The following MAML2 variants were observed in gnomAD, a reference collection of about 807,000 sequenced individuals.
MAML2 encodes mastermind like transcriptional coactivator 2.
A neutral mutation model predicts 96.1 loss-of-function variants in MAML2; 22 were observed. The ratio of observed to expected loss-of-function variants is 0.23; its 90% confidence interval spans 0.16 to 0.33. The LOEUF is 0.33. Among genes scored for constraint, MAML2 ranks in the 10% least tolerant of loss-of-function variants. The probability of loss-of-function intolerance (pLI) is 1.00; values close to 1 mark genes in which losing one functional copy is unlikely to be tolerated. For missense variants in MAML2, 1,367 were observed against 1,392.4 expected (o/e 0.98, Z 0.29); for synonymous variants, 561 against 521.3 (o/e 1.08, Z -1.04).
intron 1 of MAML2, among the ~76,000 whole-genome samples, chr11:96,285,920 T>C (rs1035904252): frequency 2.0e-5 from 3 of 152,192 alleles, no homozygotes; most frequent in Admixed American, 2.0e-4. Flanking sequence ...GTGTGGCAAT[T>C]CTTCAAAGTT....
intron 1 of MAML2, among the ~76,000 whole-genome samples, chr11:96,219,962 T>C (rs1862109556): frequency 6.6e-6 from 1 of 152,196 alleles, no homozygotes; most frequent in Non-Finnish European, 1.5e-5. Flanking sequence ...AAAATGAGAC[T>C]ATTTCATCAT....
chr11:96,228,973 A>AAC (rs66571893), intron 1 of MAML2, among the ~76,000 whole-genome samples: 10,066 of 66,154 alleles, frequency 0.15, 439 homozygotes, highest in Non-Finnish European at 0.17. Flanking sequence ...CTAGTTGAAC[A>AAC]AAAAAAAAAT....
intron 1 of MAML2, among the ~76,000 whole-genome samples, chr11:96,266,570 CAAAA>C (rs560997492): frequency 8.3e-6 from 1 of 120,200 alleles, no homozygotes; most frequent in Non-Finnish European, 1.8e-5. Context: ...GACTCCGTCT[CAAAA>C]AAAAAAAAAG....
intron 1 of MAML2, among the ~76,000 whole-genome samples, chr11:96,210,055 C>A (rs16923294): frequency 0.028 from 4,311 of 152,198 alleles, 203 homozygotes; most frequent in African/African-American, 0.098. Context: ...TTTTGCTTTT[C>A]TTTTGTTCTC....
chr11:96,015,825 C>T (rs536198548), intron 2 of MAML2, among the ~76,000 whole-genome samples: 11 of 152,218 alleles, frequency 7.2e-5, no homozygotes, highest in Non-Finnish European at 1.5e-4. Context: ...GATATTGAAT[C>T]ATGAATGTAG....
intron 1 of MAML2, among the ~76,000 whole-genome samples, chr11:96,261,256 G>A (rs539846035): frequency 1.1e-4 from 17 of 151,974 alleles, no homozygotes; most frequent in African/African-American, 2.9e-4. Context: ...AGCCCCCTCC[G>A]CCACGTGATG....
chr11:96,171,067 G>A (rs1172042805), intron 1 of MAML2, among the ~76,000 whole-genome samples: 3 of 151,784 alleles, frequency 2.0e-5, no homozygotes, highest in African/African-American at 7.3e-5. Flanking sequence ...GACTAGTTGA[G>A]CCCTGGGTTC....
At chr11:96,029,167 T>C (rs1372512313) in intron 2 of MAML2, among the ~76,000 whole-genome samples, 2 of 138,872 alleles carry the variant, frequency 1.4e-5, no homozygotes, top group African/African-American at 6.2e-5. Context: ...TGAAACGGTT[T>C]TTTTTTTTTT....
chr11:96,082,184 C>A (rs1859538107), intron 2 of MAML2, among the ~76,000 whole-genome samples: 1 of 151,994 alleles, frequency 6.6e-6, no homozygotes, highest in Non-Finnish European at 1.5e-5. Flanking sequence ...AACTACAATT[C>A]AAGGTAGAAA....
chr11:96,076,101 G>A (rs1375686204), intron 2 of MAML2, among the ~76,000 whole-genome samples: 2 of 152,212 alleles, frequency 1.3e-5, no homozygotes, highest in African/African-American at 4.8e-5. Flanking sequence ...TATTACAACA[G>A]AAAGTTATTC....
At chr11:96,078,350 T>C (rs905789081) in intron 2 of MAML2, among the ~76,000 whole-genome samples, 1 of 152,238 alleles carries the variant, frequency 6.6e-6, no homozygotes, top group Admixed American at 6.5e-5. Context: ...GATAGTTCAA[T>C]CATAGATAGT....
intron 1 of MAML2, among the ~76,000 whole-genome samples, chr11:96,327,894 G>A (rs1045083202): frequency 1.3e-5 from 2 of 151,608 alleles, no homozygotes; most frequent in Admixed American, 6.6e-5. Context: ...TCAGGAGTTC[G>A]AGACCAGCCT....
intron 1 of MAML2, among the ~76,000 whole-genome samples, chr11:96,166,636 C>T (rs1240043401): frequency 1.3e-5 from 2 of 152,210 alleles, no homozygotes; most frequent in Non-Finnish European, 2.9e-5. Flanking sequence ...GGTTCGCTGG[C>T]ATTCACCCAG....
At chr11:96,304,671 T>C (rs2080521144) in intron 1 of MAML2, among the ~76,000 whole-genome samples, 1 of 152,152 alleles carries the variant, frequency 6.6e-6, no homozygotes, top group African/African-American at 2.4e-5. Flanking sequence ...GGTAACTTTT[T>C]GTACATCTGC....
At chr11:96,051,765 G>C (rs1858993905) in intron 2 of MAML2, among the ~76,000 whole-genome samples, 1 of 152,180 alleles carries the variant, frequency 6.6e-6, no homozygotes, top group South Asian at 2.1e-4. Context: ...GGAGAACCAG[G>C]GAGATAGGCA....
At chr11:96,103,542 CA>C (rs1373361575) in intron 1 of MAML2, among the ~76,000 whole-genome samples, 1 of 152,126 alleles carries the variant, frequency 6.6e-6, no homozygotes, top group African/African-American at 2.4e-5. Flanking sequence ...ACTTGGCTAC[CA>C]AAAAGGTCCC....
At chr11:96,315,036 G>C (rs1023797849) in intron 1 of MAML2, among the ~76,000 whole-genome samples, 1 of 152,236 alleles carries the variant, frequency 6.6e-6, no homozygotes, top group Non-Finnish European at 1.5e-5. Context: ...GTAGGCACTA[G>C]AAAGCTTCTG....
At chr11:96,056,990 A>T (rs1390362767) in intron 2 of MAML2, among the ~76,000 whole-genome samples, 1 of 152,258 alleles carries the variant, frequency 6.6e-6, no homozygotes, top group Non-Finnish European at 1.5e-5. Flanking sequence ...CTACATCAGT[A>T]GTGTAGACTT....
At position 96,221,626 on chromosome 11, in the gene MAML2, AT is replaced by A. The variant is rs1426350302; in HGVS notation, c.513+119756del. Among the ~76,000 whole-genome samples the A allele has an allele frequency of 1.2e-4, 18 of 151,864 alleles. No individual in the cohort carries two copies. In the East Asian group the frequency reaches 3.5e-3, roughly 29 times the overall value. On this transcript the variant is annotated intron_variant, in intron 1 of 4. Coordinates refer to ENST00000524717, the MANE Select transcript of MAML2 (RefSeq NM_032427.4). ...AGTTGCCTTCAACCACAAAACCAAA[AT>A]CAGTATTGAGCTCTTTGCTTCTGCA...
Sources: gnomAD v4.1 joint callset for allele counts (sites outside exome capture counted in the v4.1 genomes callset) on GRCh38, gnomAD v4.1.1 for gene constraint, MANE v1.5 for transcripts, NCBI Gene and HGNC (gene_info 2026-07-23, HGNC 2026-07-21) for gene names.